Variants in CAPZB observed in about 807,000 individuals in gnomAD.
The protein encoded by CAPZB is F-actin-capping protein subunit beta.
Under a neutral mutation model 38.1 loss-of-function variants are expected in CAPZB, and 2 were observed. The observed-to-expected ratio is 0.05, with a 90% CI of 0.02 to 0.17. The LOEUF (loss-of-function observed/expected upper bound fraction) is 0.17, where lower values mean the gene tolerates loss of function less well. CAPZB is among the 10% of genes least tolerant of loss of function. The probability of loss-of-function intolerance (pLI) is 1.00; values close to 1 mark genes in which losing one functional copy is unlikely to be tolerated. For missense variants in CAPZB, 161 were observed against 334.2 expected (o/e 0.48, Z 4.04); for synonymous variants, 107 against 127.4 (o/e 0.84, Z 1.08).
At chr1:19,413,376 CA>C (rs2094365600) in intron 2 of CAPZB, among the ~76,000 whole-genome samples, 1 of 152,232 alleles carries the variant, frequency 6.6e-6, no homozygotes, top group African/African-American at 2.4e-5. Context: ...TTCTCTCACC[CA>C]AACTGGAGTG....
chr1:19,372,176 C>T (rs960567225), intron 4 of CAPZB, among the ~76,000 whole-genome samples: 1 of 152,234 alleles, frequency 6.6e-6, no homozygotes, highest in African/African-American at 2.4e-5. Flanking sequence ...ACCCTCCCAC[C>T]CTGCTCCTCC....
At chr1:19,434,287 G>A (rs968123148) in intron 1 of CAPZB, among the ~76,000 whole-genome samples, 6 of 152,144 alleles carry the variant, frequency 3.9e-5, no homozygotes, top group East Asian at 3.9e-4. Flanking sequence ...ACCTCTCTGA[G>A]CCTCGATTCC....
intron 1 of CAPZB, chr1:19,484,365 C>T (rs751554688): frequency 1.3e-6 from 2 of 1,548,326 alleles, no homozygotes; most frequent in South Asian, 2.4e-5. Flanking sequence ...TCATCCTTGT[C>T]CTGTGGGCCA....
chr1:19,364,819 C>T (rs2094074124), intron 4 of CAPZB, among the ~76,000 whole-genome samples: 1 of 152,084 alleles, frequency 6.6e-6, no homozygotes, highest in South Asian at 2.1e-4. Context: ...AACTTGCAGT[C>T]ATCTCAAATG....
intron 4 of CAPZB, among the ~76,000 whole-genome samples, chr1:19,358,641 T>C (rs1022526012): frequency 1.3e-5 from 2 of 152,224 alleles, no homozygotes; most frequent in Non-Finnish European, 2.9e-5. Flanking sequence ...GCAAATGCTG[T>C]TGATAACCAA....
intron 1 of CAPZB, among the ~76,000 whole-genome samples, chr1:19,473,937 A>T (rs1340975829): frequency 6.6e-6 from 1 of 152,182 alleles, no homozygotes; most frequent in East Asian, 1.9e-4. Flanking sequence ...ATTCCTATGG[A>T]CAATCACAAG....
chr1:19,347,195 G>A (rs548466387), intron 6 of CAPZB, among the ~76,000 whole-genome samples: 130 of 152,094 alleles, frequency 8.5e-4, no homozygotes, highest in African/African-American at 3.0e-3. Context: ...ACGCTAGCTC[G>A]AAACTGATCC....
Position 19,343,795 on chromosome 1 carries a change from T to C in CAPZB, c.731+563A>G, listed in dbSNP as rs375434931. Reference sequence around the variant, plus strand: ...TGAGGGCACGAGGTGGGAAGGATGGTGCAGGACACTGGCCACTGGCAGCAG... The same window carrying C: ...TGAGGGCACGAGGTGGGAAGGATGGCGCAGGACACTGGCCACTGGCAGCAG... On this transcript the variant is annotated intron_variant, in intron 8 of 8. Transcript: ENST00000264202. Among the ~76,000 whole-genome samples, 17 of 152,296 alleles carry C rather than the reference T, an allele frequency of 1.1e-4. 1 individual carries two copies. In the East Asian group the frequency reaches 2.1e-3, roughly 19 times the overall value.
At chr1:19,360,690 C>T (rs557989588) in intron 4 of CAPZB, among the ~76,000 whole-genome samples, 3 of 152,304 alleles carry the variant, frequency 2.0e-5, no homozygotes, top group Admixed American at 1.3e-4. Flanking sequence ...ATAAAACAAC[C>T]GCATTAAAGT....
chr1:19,450,767 T>C (rs1314361097), intron 1 of CAPZB, among the ~76,000 whole-genome samples: 1 of 152,210 alleles, frequency 6.6e-6, no homozygotes, highest in Non-Finnish European at 1.5e-5. Context: ...AGGCTTGTAT[T>C]GCAAAATTTA....
At chr1:19,342,411 C>A (rs991202605) in intron 8 of CAPZB, among the ~76,000 whole-genome samples, 3 of 152,254 alleles carry the variant, frequency 2.0e-5, no homozygotes, top group Admixed American at 2.0e-4. Flanking sequence ...GCAGGCAGAT[C>A]CCTGCCCTGG....
chr1:19,375,509 C>T (rs1246719856), intron 4 of CAPZB, among the ~76,000 whole-genome samples: 10 of 152,238 alleles, frequency 6.6e-5, no homozygotes, highest in Non-Finnish European at 7.3e-5. Flanking sequence ...GGGAACAGAA[C>T]GGCACCAGCC....
chr1:19,405,748 T>C (rs1365819746), intron 2 of CAPZB, among the ~76,000 whole-genome samples: 2 of 152,146 alleles, frequency 1.3e-5, no homozygotes, highest in Non-Finnish European at 2.9e-5. Flanking sequence ...CCAAATCTCT[T>C]TTCGGAGGGG....
At chr1:19,444,878 G>T (rs1158984908) in intron 1 of CAPZB, among the ~76,000 whole-genome samples, 2 of 152,096 alleles carry the variant, frequency 1.3e-5, no homozygotes, top group East Asian at 1.9e-4. Context: ...AAGCAGCTGG[G>T]ACTACAGGCG....
At chr1:19,451,656 CAT>C (rs1489714732) in intron 1 of CAPZB, among the ~76,000 whole-genome samples, 3 of 152,108 alleles carry the variant, frequency 2.0e-5, no homozygotes, top group South Asian at 4.2e-4. Context: ...TCCCCAGAAA[CAT>C]GTGGCTACTC....
At chr1:19,421,467 C>T (rs1415052029) in intron 1 of CAPZB, among the ~76,000 whole-genome samples, 2 of 152,240 alleles carry the variant, frequency 1.3e-5, no homozygotes, top group African/African-American at 2.4e-5. Flanking sequence ...GAACACACAA[C>T]GAACTGGCTC....
At chr1:19,443,673 C>T (rs2094486380) in intron 1 of CAPZB, among the ~76,000 whole-genome samples, 1 of 152,194 alleles carries the variant, frequency 6.6e-6, no homozygotes, top group Non-Finnish European at 1.5e-5. Context: ...CACTCAGTGT[C>T]TCCGGTGTGC....
intron 1 of CAPZB, among the ~76,000 whole-genome samples, chr1:19,458,518 C>A (rs1398385312): frequency 1.3e-5 from 2 of 152,166 alleles, no homozygotes; most frequent in South Asian, 4.1e-4. Context: ...CCAAGCCTGG[C>A]TAATTTTTTG....
chr1:19,341,380 G>T (rs1558165141), intron 8 of CAPZB, among the ~76,000 whole-genome samples: 1 of 152,160 alleles, frequency 6.6e-6, no homozygotes, highest in Non-Finnish European at 1.5e-5. Context: ...AGCCTGGGTG[G>T]TCACTGGCTC....
Sources: allele counts gnomAD v4.1 joint callset (sites outside exome capture counted in the v4.1 genomes callset), GRCh38; gene constraint gnomAD v4.1.1; transcripts MANE v1.5; gene names NCBI Gene and HGNC (gene_info 2026-07-23, HGNC 2026-07-21).